Variants in FOXN3 observed in about 807,000 individuals in gnomAD.
FOXN3 encodes forkhead box N3, also known as forkhead box protein N3.
In FOXN3, 7 loss-of-function variants were observed where a neutral mutation model predicts 38.4. The ratio of observed to expected loss-of-function variants is 0.18; its 90% CI spans 0.10 to 0.34. FOXN3 has a LOEUF of 0.34. Among genes scored for constraint, FOXN3 ranks in the 10% least tolerant of loss-of-function variants. The pLI is 1.00. For missense variants in FOXN3, 456 were observed against 613.4 expected, an observed-to-expected ratio of 0.74 and a Z score of 2.71; for synonymous variants, 230 against 242.2, an observed-to-expected ratio of 0.95 and a Z score of 0.47.
At chr14:89,329,474 G>A (rs961212878) in intron 3 of FOXN3, among the ~76,000 whole-genome samples, 3 of 152,104 alleles carry the variant, frequency 2.0e-5, no homozygotes, top group Non-Finnish European at 4.4e-5. Context: ...CTTGGTGGTG[G>A]GTGGGGGTGC....
At chr14:89,191,015 A>G (rs188112700) in intron 4 of FOXN3, among the ~76,000 whole-genome samples, 82 of 152,206 alleles carry the variant, frequency 5.4e-4, no homozygotes, top group East Asian at 3.5e-3. Flanking sequence ...ATAAAGAAAA[A>G]AGTAAAGTTG....
intron 3 of FOXN3, among the ~76,000 whole-genome samples, chr14:89,343,548 G>A (rs1347565813): frequency 6.7e-6 from 1 of 150,008 alleles, no homozygotes; most frequent in Admixed American, 6.6e-5. Context: ...TGCTGAGTCA[G>A]CACTAAAATC....
At chr14:89,239,144 G>GA (rs759478572) in intron 4 of FOXN3, among the ~76,000 whole-genome samples, 35 of 152,296 alleles carry the variant, frequency 2.3e-4, no homozygotes, top group East Asian at 1.3e-3. Context: ...GCAAGGAGCA[G>GA]AGAGTGTTTC....
intron 3 of FOXN3, among the ~76,000 whole-genome samples, chr14:89,282,780 G>C (rs2182471): frequency 0.87 from 132,420 of 152,214 alleles, 58,071 homozygotes; most frequent in East Asian, 0.98. Flanking sequence ...TTTATCCTGA[G>C]CTTGATTTGG....
intron 4 of FOXN3, among the ~76,000 whole-genome samples, chr14:89,230,279 G>C (rs902530615): frequency 6.6e-6 from 1 of 152,170 alleles, no homozygotes; most frequent in Admixed American, 6.5e-5. Flanking sequence ...GGCAGGTACA[G>C]AGCACTCAGA....
chr14:89,393,429 C>T (rs891289989), intron 2 of FOXN3, among the ~76,000 whole-genome samples: 5 of 152,312 alleles, frequency 3.3e-5, no homozygotes, highest in Admixed American at 2.6e-4. Context: ...ACACAGGAAA[C>T]GCACAGAGTG....
rs866121616 is a variant in FOXN3, at chr14:89,372,479, G to T, written c.544-21671C>A. On this transcript the variant is annotated intron_variant, in intron 2 of 5. Transcript: ENST00000557258. Reference sequence around the variant, plus strand: ...TGAGGCTTCCAATTTGACAACAGCTGACTGAAACAAAATCTTACCTGAGCC... The same window carrying T: ...TGAGGCTTCCAATTTGACAACAGCTTACTGAAACAAAATCTTACCTGAGCC... Among the ~76,000 whole-genome samples, 55 of 152,100 alleles carry T rather than the reference G, an allele frequency of 3.6e-4. 1 individual carries two copies. Among genetic ancestry groups the T allele is most frequent in the Admixed American group, 3.3e-4 (5 of 15,278 alleles).
chr14:89,168,416 A>G (rs1425786444), intron 5 of FOXN3, among the ~76,000 whole-genome samples: 1 of 152,242 alleles, frequency 6.6e-6, no homozygotes, highest in Non-Finnish European at 1.5e-5. Flanking sequence ...GAAGCGCTTG[A>G]GCCCAGGGGA....
rs1015536846 is a variant in FOXN3 at position 89,450,444 on chromosome 14, C to T, written c.-14-37954G>A. Among the ~76,000 whole-genome samples the T allele has an allele frequency of 3.3e-5, 5 of 152,108 alleles. 1 individual carries two copies. Among genetic ancestry groups the T allele is most frequent in the Non-Finnish European group, 7.4e-5 (5 of 68,024 alleles). On this transcript the variant is annotated intron_variant, in intron 1 of 6. Transcript: ENST00000345097. ...TATAAAATGTGCCTCCGTAGAATGC[C>T]CCCTTAGCAGATAATATAGGCATGT...
At chr14:89,197,876 C>T (rs1278453199) in intron 4 of FOXN3, among the ~76,000 whole-genome samples, 1 of 152,180 alleles carries the variant, frequency 6.6e-6, no homozygotes, top group Non-Finnish European at 1.5e-5. Flanking sequence ...TCCAAAGAAG[C>T]CATCAAGGAA....
intron 4 of FOXN3, among the ~76,000 whole-genome samples, chr14:89,234,616 CCT>C (rs34492323): frequency 0.01 from 1,485 of 146,928 alleles, no homozygotes; most frequent in Admixed American, 9.5e-3. Context: ...TATGTGGCAT[CCT>C]CTCTCTCTCT....
At chr14:89,466,660 T>C (rs1374310423) in intron 1 of FOXN3, among the ~76,000 whole-genome samples, 2 of 152,078 alleles carry the variant, frequency 1.3e-5, no homozygotes, top group Non-Finnish European at 2.9e-5. Flanking sequence ...GTGAACAGAC[T>C]CTCACCAGGG....
chr14:89,379,809 C>T (rs1596239981), intron 2 of FOXN3, among the ~76,000 whole-genome samples: 1 of 152,020 alleles, frequency 6.6e-6, no homozygotes, highest in East Asian at 1.9e-4. Context: ...TATAGGTGCC[C>T]ACCACCATGT....
intron 3 of FOXN3, among the ~76,000 whole-genome samples, chr14:89,282,895 C>A (rs530341889): frequency 1.3e-5 from 2 of 152,286 alleles, no homozygotes. Context: ...AAGATTCTTA[C>A]AACATACCTA....
chr14:89,193,527 C>T (rs1022152497), intron 4 of FOXN3, among the ~76,000 whole-genome samples: 1 of 152,066 alleles, frequency 6.6e-6, no homozygotes, highest in African/African-American at 2.4e-5. Flanking sequence ...ACCTATGACC[C>T]CCCACCCCCC....
intron 2 of FOXN3, among the ~76,000 whole-genome samples, chr14:89,407,940 G>A (rs1457023974): frequency 6.6e-6 from 1 of 152,108 alleles, no homozygotes; most frequent in East Asian, 1.9e-4. Context: ...GTGTTATGGG[G>A]GTATATCAAG....
intron 1 of FOXN3, among the ~76,000 whole-genome samples, chr14:89,560,040 C>G (rs1895214929): frequency 6.6e-6 from 1 of 152,124 alleles, no homozygotes; most frequent in Non-Finnish European, 1.5e-5. Context: ...GTTTGACAGG[C>G]TGAACAGGAA....
At chr14:89,483,168 T>C (rs951500142) in intron 1 of FOXN3, among the ~76,000 whole-genome samples, 1 of 152,016 alleles carries the variant, frequency 6.6e-6, no homozygotes, top group East Asian at 1.9e-4. Flanking sequence ...GATCGCACCA[T>C]TGCACTCTAG....
chr14:89,306,365 C>CT (rs1333479106), intron 3 of FOXN3, among the ~76,000 whole-genome samples: 151 of 145,404 alleles, frequency 1.0e-3, no homozygotes, highest in Middle Eastern at 3.8e-3. Context: ...CTTTGGTTCT[C>CT]TTTTTTTTTT....
Sources: allele counts gnomAD v4.1 joint callset (sites outside exome capture counted in the v4.1 genomes callset), GRCh38; gene constraint gnomAD v4.1.1; transcripts MANE v1.5; gene names NCBI Gene and HGNC (gene_info 2026-07-23, HGNC 2026-07-21).